PRKCA: variants seen among roughly 807,000 people sequenced by gnomAD.
PRKCA encodes protein kinase C alpha.
Under a neutral mutation model 87.0 loss-of-function variants are expected in PRKCA, and 27 were observed. That is an observed-to-expected ratio of 0.31 (90% CI 0.23 to 0.43). The LOEUF is 0.43. Ranked by LOEUF, PRKCA falls within the 20% of genes least tolerant of loss-of-function variation. PRKCA has a pLI of 1.00. For missense variants in PRKCA, 518 were observed against 852.3 expected, an observed-to-expected ratio of 0.61 and a Z score of 4.88; for synonymous variants, 329 against 311.1, an observed-to-expected ratio of 1.06 and a Z score of -0.61.
At chr17:66,518,045 C>A (rs1967027232) in intron 3 of PRKCA, among the ~76,000 whole-genome samples, 1 of 151,944 alleles carries the variant, frequency 6.6e-6, no homozygotes, top group Non-Finnish European at 1.5e-5. Context: ...CCTTACCTCC[C>A]AGTAGCTGAG....
intron 2 of PRKCA, among the ~76,000 whole-genome samples, chr17:66,437,964 A>G (rs1339416944): frequency 6.6e-6 from 1 of 151,544 alleles, no homozygotes; most frequent in Non-Finnish European, 1.5e-5. Flanking sequence ...AAGTATACTC[A>G]AGGATTCTGG....
chr17:66,382,729 A>G (rs1220049634), intron 2 of PRKCA, among the ~76,000 whole-genome samples: 1 of 152,166 alleles, frequency 6.6e-6, no homozygotes, highest in Non-Finnish European at 1.5e-5. Context: ...GACACCTGAC[A>G]GTGTCTGGAG....
Position 66,570,632 on chromosome 17 carries a change from T to G in PRKCA, c.289-70723T>G, listed in dbSNP as rs1276980010. ...TTCTTAGGGTGTGAAAGACTCTGCTTTAGCTCTTTTTCGGGCTTTTCTGCC... is the reference window on the plus strand; with the variant it reads ...TTCTTAGGGTGTGAAAGACTCTGCTGTAGCTCTTTTTCGGGCTTTTCTGCC... On this transcript the variant is annotated intron_variant, in intron 3 of 16. Transcript: ENST00000413366. 2.0e-5 allele frequency among the ~76,000 whole-genome samples: 3 copies of G among 152,176 alleles called. No individual in the cohort carries two copies. In the East Asian group the frequency reaches 5.8e-4, roughly 29 times the overall value.
In PRKCA at chr17:66,602,992, C is replaced by T. The variant is rs561634845; in HGVS notation, c.289-38363C>T. 2.0e-5 allele frequency among the ~76,000 whole-genome samples: 3 copies of T among 152,298 alleles called. No homozygotes were observed. The East Asian group carries it at 5.8e-4, about 29-fold the overall frequency. On this transcript the variant is annotated intron_variant, in intron 3 of 16. Transcript: ENST00000413366. ...TCTCTTTCCCTTCTTTCTTCTTCACCCAATAAACCCTGTCCTTCTCACCCT... is the reference window on the plus strand; with the variant it reads ...TCTCTTTCCCTTCTTTCTTCTTCACTCAATAAACCCTGTCCTTCTCACCCT...
intron 8 of PRKCA, among the ~76,000 whole-genome samples, chr17:66,726,272 G>A (rs1473118937): frequency 6.6e-6 from 1 of 152,170 alleles, no homozygotes; most frequent in African/African-American, 2.4e-5. Context: ...GAAAGCTCAG[G>A]TGTTCGCAGG....
chr17:66,804,956 T>A lies in PRKCA; in HGVS notation c.*919T>A. 3 of 981,154 alleles carry A rather than the reference T, an allele frequency of 3.1e-6. No individual in the cohort carries two copies. Among genetic ancestry groups the A allele is most frequent in the Non-Finnish European group, 3.6e-6 (3 of 825,780 alleles). The allele number at this position is 981,154 out of a possible 1,614,324, so 60.8% of individuals were successfully genotyped here. On this transcript the variant is annotated 3_prime_UTR_variant, in exon 17 of 17. Transcript: ENST00000413366. ...ATTTTGCTGCCTACCTTGTTATCCT[T>A]CTCAAGAAGCTGAAGTGTACGCCCT...
chr17:66,732,561 C>A, intron 8 of PRKCA, 127 bp from the exon 9 acceptor site: 1 of 1,163,214 alleles, frequency 8.6e-7, no homozygotes, highest in Non-Finnish European at 1.3e-6. Flanking sequence ...AATTCTCACC[C>A]TTTGTTCCTT....
At chr17:66,391,952 C>T (rs1207424072) in intron 2 of PRKCA, among the ~76,000 whole-genome samples, 3 of 152,110 alleles carry the variant, frequency 2.0e-5, no homozygotes, top group African/African-American at 4.8e-5. Context: ...GGTTACAGGC[C>T]GGGCACAGTG....
At position 66,524,976 on chromosome 17, in the gene PRKCA, G is replaced by A. The variant is rs374242373; in HGVS notation, c.288+28693G>A. ...TCCTGGTTACATGTTCTCTTATAAC[G>A]TGTCTTTGCCATGCTTTCAGTCAGA... On this transcript the variant is annotated intron_variant, in intron 3 of 16. Transcript: ENST00000413366. Among the ~76,000 whole-genome samples, 129 of 152,280 alleles carry A rather than the reference G, an allele frequency of 8.5e-4. 1 individual carries two copies. The highest frequency in any genetic ancestry group is 4.0e-3 in the East Asian group (21 of 5,186).
chr17:66,366,838 C>T (rs1908757479), intron 2 of PRKCA, among the ~76,000 whole-genome samples: 1 of 152,134 alleles, frequency 6.6e-6, no homozygotes, highest in Non-Finnish European at 1.5e-5. Context: ...ACAAAGCACA[C>T]TCACAAAATT....
chr17:66,505,171 G>A (rs1354781266), intron 3 of PRKCA, among the ~76,000 whole-genome samples: 1 of 152,148 alleles, frequency 6.6e-6, no homozygotes, highest in Non-Finnish European at 1.5e-5. Context: ...TTCCTACAAG[G>A]GAAGGGACTC....
chr17:66,669,310 C>A (rs1225861225), intron 5 of PRKCA, among the ~76,000 whole-genome samples: 1 of 152,036 alleles, frequency 6.6e-6, no homozygotes, highest in Non-Finnish European at 1.5e-5. Context: ...TGTGGTGCAA[C>A]AAACAGCAGA....
chr17:66,566,887 C>A (rs1968921444), intron 3 of PRKCA, among the ~76,000 whole-genome samples: 1 of 152,078 alleles, frequency 6.6e-6, no homozygotes, highest in Admixed American at 6.5e-5. Flanking sequence ...TGCCAGCCTC[C>A]CAGGGACTTT....
At chr17:66,533,664 A>G (rs1967648924) in intron 3 of PRKCA, among the ~76,000 whole-genome samples, 1 of 152,030 alleles carries the variant, frequency 6.6e-6, no homozygotes, top group African/African-American at 2.4e-5. Context: ...GTCTTAAGCA[A>G]CCAGGCAAGA....
intron 2 of PRKCA, among the ~76,000 whole-genome samples, chr17:66,366,549 G>A (rs1908739396): frequency 6.6e-6 from 1 of 152,138 alleles, no homozygotes; most frequent in Non-Finnish European, 1.5e-5. Context: ...GCTGAATTGA[G>A]GAGATGAATT....
intron 2 of PRKCA, among the ~76,000 whole-genome samples, chr17:66,434,494 G>T (rs544946403): frequency 6.6e-6 from 1 of 152,246 alleles, no homozygotes; most frequent in East Asian, 1.9e-4. Flanking sequence ...TCAGAAACAG[G>T]AGGATGCTTA....
chr17:66,384,926 G>T (rs111584934), intron 2 of PRKCA, among the ~76,000 whole-genome samples: 3 of 152,272 alleles, frequency 2.0e-5, no homozygotes, highest in African/African-American at 7.2e-5. Flanking sequence ...CACTGCACCT[G>T]GCTGACTGTT....
chr17:66,360,703 C>T (rs1908340238), intron 2 of PRKCA, among the ~76,000 whole-genome samples: 1 of 152,160 alleles, frequency 6.6e-6, no homozygotes, highest in South Asian at 2.1e-4. Context: ...ATCTCTCCTC[C>T]ACAGGTCTTT....
At chr17:66,367,270 C>T (rs948110178) in intron 2 of PRKCA, among the ~76,000 whole-genome samples, 4 of 152,172 alleles carry the variant, frequency 2.6e-5, no homozygotes, top group Non-Finnish European at 4.4e-5. Flanking sequence ...AGCACAAGTG[C>T]GCAGGCCTTT....
Sources: gnomAD v4.1 joint callset for allele counts (sites outside exome capture counted in the v4.1 genomes callset) on GRCh38, gnomAD v4.1.1 for gene constraint, MANE v1.5 for transcripts, NCBI Gene and HGNC (gene_info 2026-07-23, HGNC 2026-07-21) for gene names.